The following RXRA variants were observed in gnomAD, a reference collection of about 807,000 sequenced individuals.
The protein encoded by RXRA is retinoic acid receptor RXR-alpha.
Under a neutral mutation model 44.5 loss-of-function variants are expected in RXRA, and 5 were observed. The ratio of observed to expected loss-of-function variants is 0.11; its 90% confidence interval spans 0.06 to 0.24. RXRA has a LOEUF of 0.24. Among genes scored for constraint, RXRA ranks in the 10% least tolerant of loss-of-function variants. The pLI, the probability that RXRA is intolerant of heterozygous loss-of-function variation, is 1.00. For missense variants in RXRA, 412 were observed against 646.5 expected, an observed-to-expected ratio of 0.64 and a Z score of 3.93; for synonymous variants, 291 against 271.4, an observed-to-expected ratio of 1.07 and a Z score of -0.71.
intron 6 of RXRA, chr9:134,424,825 C>T: frequency 1.0e-6 from 1 of 985,472 alleles, no homozygotes; most frequent in Non-Finnish European, 1.2e-6. Context: ...TGGCTGTAGC[C>T]TGACTGGGGA....
At chr9:134,436,130 G>A (rs1393358860) in intron 9 of RXRA, among the ~76,000 whole-genome samples, 1 of 152,252 alleles carries the variant, frequency 6.6e-6, no homozygotes, top group East Asian at 1.9e-4. Flanking sequence ...ACAAGTGTGA[G>A]CCATCATGCC....
intron 6 of RXRA, among the ~76,000 whole-genome samples, chr9:134,428,485 C>T (rs368695056): frequency 3.0e-5 from 3 of 98,798 alleles, no homozygotes; most frequent in East Asian, 6.7e-4. Context: ...GGGAACCCCC[C>T]GATGTTGAGG....
chr9:134,334,447 A>T (rs7875897), intron 1 of RXRA, among the ~76,000 whole-genome samples: 58,635 of 152,260 alleles, frequency 0.39, 12,795 homozygotes, highest in African/African-American at 0.6. Flanking sequence ...GAGGGCCACC[A>T]AGGTGACAGT....
intron 6 of RXRA, chr9:134,425,606 TGGGAGGGA>T (rs371508373): frequency 6.0e-4 from 84 of 140,896 alleles, no homozygotes; most frequent in Non-Finnish European, 3.2e-4. Flanking sequence ...CTTGCTGGGC[TGGGAGGGA>T]GGGAGGGAGG....
intron 7 of RXRA, among the ~76,000 whole-genome samples, chr9:134,430,371 C>A (rs1831513507): frequency 6.6e-6 from 1 of 152,154 alleles, no homozygotes; most frequent in Admixed American, 6.5e-5. Context: ...AGAACGTGGC[C>A]CCTGAACACG....
At chr9:134,402,008 C>T in intron 2 of RXRA, 126 bp downstream of exon 2, 5 of 785,756 alleles carry the variant, frequency 6.4e-6, no homozygotes, top group Non-Finnish European at 9.9e-6. Context: ...CCGCTTGACG[C>T]AGAGTATACA....
intron 1 of RXRA, among the ~76,000 whole-genome samples, chr9:134,353,980 T>C (rs1830252942): frequency 6.6e-6 from 1 of 152,102 alleles, no homozygotes; most frequent in Non-Finnish European, 1.5e-5. Flanking sequence ...AGCTGTTCAC[T>C]GCGGATGGAG....
At chr9:134,381,805 C>A (rs1174430923) in intron 1 of RXRA, among the ~76,000 whole-genome samples, 1 of 152,120 alleles carries the variant, frequency 6.6e-6, no homozygotes, top group East Asian at 1.9e-4. Context: ...CCCCGGGGTG[C>A]CCAGCAGGGG....
chr9:134,328,179 C>G (rs548617976), intron 1 of RXRA, among the ~76,000 whole-genome samples: 1 of 152,200 alleles, frequency 6.6e-6, no homozygotes, highest in South Asian at 2.1e-4. Context: ...TCCACACACA[C>G]AGAGCTAGGC....
At chr9:134,434,457 C>T (rs1477903963) in intron 9 of RXRA, among the ~76,000 whole-genome samples, 1 of 152,138 alleles carries the variant, frequency 6.6e-6, no homozygotes, top group Non-Finnish European at 1.5e-5. Context: ...AGGTGCTTCT[C>T]TTTGTTCAGT....
At chr9:134,410,618 C>A (rs1831132194) in intron 4 of RXRA, among the ~76,000 whole-genome samples, 1 of 152,192 alleles carries the variant, frequency 6.6e-6, no homozygotes, top group East Asian at 1.9e-4. Flanking sequence ...GGGACAGGGG[C>A]AGGCATAGTA....
At chr9:134,405,460 C>G (rs948388491) in intron 2 of RXRA, 2 of 152,462 alleles carry the variant, frequency 1.3e-5, no homozygotes, top group East Asian at 3.9e-4. Flanking sequence ...CGGGAGCTGG[C>G]TTGGCCCTGA....
chr9:134,352,587 C>T (rs1035588580), intron 1 of RXRA, among the ~76,000 whole-genome samples: 3 of 152,192 alleles, frequency 2.0e-5, no homozygotes, highest in Non-Finnish European at 2.9e-5. Flanking sequence ...CTGCTGGCCC[C>T]GCTTTCCTTT....
At chr9:134,379,109 G>T (rs1030020897) in intron 1 of RXRA, among the ~76,000 whole-genome samples, 3 of 152,184 alleles carry the variant, frequency 2.0e-5, no homozygotes, top group African/African-American at 7.2e-5. Context: ...AGCCTGTGGG[G>T]CCACCCGGCT....
chr9:134,422,661 G>C, intron 6 of RXRA: 1 of 982,592 alleles, frequency 1.0e-6, no homozygotes, highest in South Asian at 4.7e-5. Context: ...CCACTCCCCG[G>C]ACACTCCCCA....
chr9:134,327,158 C>T (rs1554746137), intron 1 of RXRA, among the ~76,000 whole-genome samples: 1 of 152,130 alleles, frequency 6.6e-6, no homozygotes, highest in Non-Finnish European at 1.5e-5. Flanking sequence ...AGGAAACAGA[C>T]TGGGACCCTG....
chr9:134,429,274 C>A, intron 7 of RXRA, 34 bp downstream of exon 7: 1 of 1,598,982 alleles, frequency 6.3e-7, no homozygotes, highest in Non-Finnish European at 8.5e-7. Context: ...GAGGGCGCTT[C>A]GGTCACCTCC....
chr9:134,421,068 C>T (rs1241054221), intron 5 of RXRA, among the ~76,000 whole-genome samples: 3 of 152,258 alleles, frequency 2.0e-5, no homozygotes, highest in Non-Finnish European at 4.4e-5. Context: ...TGCTCCAGTG[C>T]TGCCCATATC....
chr9:134,382,024 C>T (rs1056836512), intron 1 of RXRA, among the ~76,000 whole-genome samples: 1 of 152,132 alleles, frequency 6.6e-6, no homozygotes, highest in Non-Finnish European at 1.5e-5. Context: ...TGTCCCTGGA[C>T]CCAGGAGTTT....
Sources: gnomAD v4.1 joint callset for allele counts (sites outside exome capture counted in the v4.1 genomes callset) on GRCh38, gnomAD v4.1.1 for gene constraint, MANE v1.5 for transcripts, NCBI Gene and HGNC (gene_info 2026-07-23, HGNC 2026-07-21) for gene names.